The following COL4A2 variants were observed in gnomAD, a reference collection of about 807,000 sequenced individuals.
COL4A2 encodes collagen type IV alpha 2 chain, also known as collagen alpha-2(IV) chain.
In COL4A2, 99 loss-of-function variants were observed where a neutral mutation model predicts 200.2. The observed-to-expected ratio is 0.49, with a 90% CI of 0.42 to 0.58. The LOEUF (loss-of-function observed/expected upper bound fraction) is 0.58, where lower values mean the gene tolerates loss of function less well. COL4A2 is among the 20% of genes least tolerant of loss of function. The probability of loss-of-function intolerance (pLI) is 0.00; values close to 1 mark genes in which losing one functional copy is unlikely to be tolerated. For synonymous variants in COL4A2, 897 were observed against 900.6 expected (o/e 1.00, Z 0.07); for missense variants, 1,950 against 2,314.1 (o/e 0.84, Z 3.23).
intron 4 of COL4A2, among the ~76,000 whole-genome samples, chr13:110,366,152 AT>A (rs976931829): frequency 1.3e-5 from 2 of 152,196 alleles, no homozygotes; most frequent in Non-Finnish European, 2.9e-5. Context: ...TTCAAAGACC[AT>A]TGTTTTGTTT....
In COL4A2 at chr13:110,424,830, A is replaced by C. The variant is rs1880405457; in HGVS notation, c.277A>C (p.Arg93=). 1 of 1,613,990 alleles carries C rather than the reference A, an allele frequency of 6.2e-7. No homozygotes were observed. Among genetic ancestry groups the C allele is most frequent in the Non-Finnish European group, 8.5e-7 (1 of 1,179,982 alleles). ...GGGACGTAAAGGAGACAAGGGTGAA[A>C]GGGGAGCCCCCGGAGTAACGGGACC... ...LQGRKGDKGE[R]GAPGVTGPKG... The change falls in exon 5 of 48, where the codon AGG becomes CGG. Residue 93 remains arginine, a synonymous_variant. Transcript: ENST00000360467.
intron 6 of COL4A2, 103 bp downstream of exon 6, chr13:110,425,100 T>G: frequency 7.0e-7 from 1 of 1,425,488 alleles, no homozygotes; most frequent in Non-Finnish European, 9.8e-7. Context: ...CTTTTTTGTT[T>G]ATGACATAAA....
In COL4A2 at chr13:110,396,623, C is replaced by T. The variant is rs573730697; in HGVS notation, c.181-28111C>T. Among the ~76,000 whole-genome samples the T allele has an allele frequency of 3.9e-5, 6 of 152,312 alleles. No individual in the cohort carries two copies. The East Asian group carries it at 7.7e-4, about 20-fold the overall frequency. ...CCTTTGATCATGAGACATCTCACCA[C>T]GCCCTCCTTTAACATTGCTAATGAT... On this transcript the variant is annotated intron_variant, in intron 4 of 47. Coordinates refer to ENST00000360467, the MANE Select transcript of COL4A2 (RefSeq NM_001846.4).
At chr13:110,326,800 G>A (rs1221792963) in intron 3 of COL4A2, among the ~76,000 whole-genome samples, 2 of 152,058 alleles carry the variant, frequency 1.3e-5, no homozygotes. Flanking sequence ...CCCTCTGCTC[G>A]GCCACCTGTG....
chr13:110,410,060 C>T (rs2139439217), intron 4 of COL4A2, among the ~76,000 whole-genome samples: 1 of 152,256 alleles, frequency 6.6e-6, no homozygotes, highest in African/African-American at 2.4e-5. Flanking sequence ...AAGTTCCTAG[C>T]GAGGTGATTT....
intron 3 of COL4A2, among the ~76,000 whole-genome samples, chr13:110,329,212 G>A (rs1459914852): frequency 2.6e-5 from 4 of 152,178 alleles, no homozygotes; most frequent in Non-Finnish European, 5.9e-5. Flanking sequence ...TAATGCAAAT[G>A]TTTTCAAAGA....
At chr13:110,376,993 T>G (rs1594178216) in intron 4 of COL4A2, among the ~76,000 whole-genome samples, 1 of 152,222 alleles carries the variant, frequency 6.6e-6, no homozygotes, top group Non-Finnish European at 1.5e-5. Flanking sequence ...TGATCGTTGA[T>G]CTTTAGAATG....
chr13:110,474,110 G>A (rs1882583817), intron 29 of COL4A2, among the ~76,000 whole-genome samples: 1 of 150,964 alleles, frequency 6.6e-6, no homozygotes, highest in Admixed American at 6.6e-5. Context: ...CTGCGTGACA[G>A]AGTGAGACTC....
At position 110,320,971 on chromosome 13, in the gene COL4A2, TA is replaced by T. The variant is rs1885259415; in HGVS notation, c.99+12855del. ...TGGGCTTTTCTTAGTCTTTCACATT[TA>T]AAAAAATTACCTTAGATCTTTATTC... On this transcript the variant is annotated intron_variant, in intron 3 of 47. Coordinates refer to ENST00000360467, the MANE Select transcript of COL4A2 (RefSeq NM_001846.4). Among the ~76,000 whole-genome samples the T allele has an allele frequency of 2.0e-5, 3 of 152,252 alleles. No homozygotes were observed. In the South Asian group the frequency reaches 6.2e-4, roughly 32 times the overall value.
At position 110,487,310 on chromosome 13, in the gene COL4A2, G is replaced by A. The variant is rs534176571; in HGVS notation, c.3207+1474G>A. ...CTACCAAAAATATAAAAAATTAACC[G>A]GGTTTGGTGCTGCGCACTCATAATC... On this transcript the variant is annotated intron_variant, in intron 34 of 47. Coordinates refer to ENST00000360467, the MANE Select transcript of COL4A2 (RefSeq NM_001846.4). 8.4e-4 allele frequency among the ~76,000 whole-genome samples: 128 copies of A among 152,326 alleles called. 1 individual carries two copies. The highest frequency in any genetic ancestry group is 2.4e-4 in the Non-Finnish European group (16 of 68,038).
chr13:110,357,249 G>A (rs1162144709), intron 3 of COL4A2, among the ~76,000 whole-genome samples: 1 of 152,102 alleles, frequency 6.6e-6, no homozygotes, highest in African/African-American at 2.4e-5. Context: ...TCAGGGGTGG[G>A]AGAGACAGGG....
intron 27 of COL4A2, among the ~76,000 whole-genome samples, chr13:110,468,896 A>G (rs1000735671): frequency 6.6e-6 from 1 of 152,202 alleles, no homozygotes; most frequent in Non-Finnish European, 1.5e-5. Context: ...AGGCACAGAA[A>G]GTTGTCCACG....
At chr13:110,366,161 T>C (rs1877742262) in intron 4 of COL4A2, among the ~76,000 whole-genome samples, 1 of 152,238 alleles carries the variant, frequency 6.6e-6, no homozygotes, top group South Asian at 2.1e-4. Flanking sequence ...CATTGTTTTG[T>C]TTTATTCGCT....
rs778530447 is a variant in COL4A2, at chr13:110,457,428, G to T, written c.1425G>T (p.Gly475=). The change falls in exon 21 of 48, where the codon GGG becomes GGT. Residue 475 remains glycine, a synonymous_variant. Transcript: ENST00000360467. ...CCCCTGGAGCCCGCGGACCAAAGGG[G>T]TGGAAAGGTAAGAACATCTGGGAGG... ...PGSPGARGPK[G]WKGDAGECRC... 1.3e-6 allele frequency: 2 copies of T among 1,598,188 alleles called. No individual in the cohort carries two copies. The highest frequency in any genetic ancestry group is 1.7e-6 in the Non-Finnish European group (2 of 1,165,646).
intron 4 of COL4A2, among the ~76,000 whole-genome samples, chr13:110,365,290 C>T (rs1180405539): frequency 2.6e-5 from 4 of 151,960 alleles, no homozygotes; most frequent in African/African-American, 7.3e-5. Flanking sequence ...TACAGGCATG[C>T]GCCACCACAC....
intron 7 of COL4A2, 127 bp from the exon 8 acceptor site, chr13:110,429,758 A>T (rs975075331): frequency 3.5e-5 from 29 of 820,214 alleles, no homozygotes; most frequent in Non-Finnish European, 5.3e-5. Flanking sequence ...AACCCCCATC[A>T]GCCATAAGAA....
intron 3 of COL4A2, among the ~76,000 whole-genome samples, chr13:110,330,342 C>T (rs907334700): frequency 1.3e-5 from 2 of 152,246 alleles, no homozygotes; most frequent in Admixed American, 6.5e-5. Context: ...CGATGTTTTA[C>T]TCGGTGGCTT....
chr13:110,486,511 C>A lies in COL4A2; in HGVS notation c.3207+675C>A, dbSNP rs573334719. 1.3e-4 allele frequency among the ~76,000 whole-genome samples: 20 copies of A among 152,296 alleles called. No homozygotes were observed. The South Asian group carries it at 4.2e-3, about 32-fold the overall frequency. ...CTCGTTCATATGAAGATAGTGTATT[C>A]TCACAGTCCCTAGCACACGGCTGGC... On this transcript the variant is annotated intron_variant, in intron 34 of 47. Transcript: ENST00000360467.
intron 40 of COL4A2, 133 bp downstream of exon 40, chr13:110,495,600 G>C (rs888542428): frequency 3.4e-6 from 4 of 1,192,610 alleles, no homozygotes; most frequent in African/African-American, 1.5e-5. Context: ...TTCTGGGGAG[G>C]ACTACCTGTT....
Sources: gnomAD v4.1 joint callset for allele counts (sites outside exome capture counted in the v4.1 genomes callset) on GRCh38, gnomAD v4.1.1 for gene constraint, MANE v1.5 for transcripts, NCBI Gene and HGNC (gene_info 2026-07-23, HGNC 2026-07-21) for gene names.